The following GRAMD2B variants were observed in gnomAD, a reference collection of about 807,000 sequenced individuals.
The protein encoded by GRAMD2B is GRAM domain containing 2B.
Under a neutral mutation model 59.2 loss-of-function variants are expected in GRAMD2B, and 41 were observed. That is an observed-to-expected ratio of 0.69 (90% CI 0.54 to 0.90). The LOEUF (loss-of-function observed/expected upper bound fraction) is 0.90, where lower values mean the gene tolerates loss of function less well. Among genes scored for constraint, GRAMD2B ranks in the 40% least tolerant of loss-of-function variants. The pLI, the probability that GRAMD2B is intolerant of heterozygous loss-of-function variation, is 0.00. For synonymous variants in GRAMD2B, 161 were observed against 182.7 expected, an observed-to-expected ratio of 0.88 and a Z score of 0.96; for missense variants, 424 against 500.5, an observed-to-expected ratio of 0.85 and a Z score of 1.46.
At chr5:126,383,395 G>C (rs968390182) in intron 1 of GRAMD2B, among the ~76,000 whole-genome samples, 76 of 152,172 alleles carry the variant, frequency 5.0e-4, no homozygotes, top group African/African-American at 1.8e-3. Flanking sequence ...GCTACATGGG[G>C]CAAATTGGGA....
At chr5:126,460,482 G>T (rs974349566) in intron 1 of GRAMD2B, among the ~76,000 whole-genome samples, 1 of 152,194 alleles carries the variant, frequency 6.6e-6, no homozygotes. Flanking sequence ...GGGAGATTCT[G>T]AGTTTATGAA....
rs559819020 is a variant in GRAMD2B, at chr5:126,439,066, A to C, written c.83+15377A>C. ...GGTATTGACCACGAGGGATTATGTG[A>C]AATGTCAGTAAAGGTTGCTGGTGAT... is the stretch of plus-strand genomic sequence containing the variant. On this transcript the variant is annotated intron_variant, in intron 1 of 13. Transcript: ENST00000285689. Among the ~76,000 whole-genome samples the C allele has an allele frequency of 7.9e-5, 12 of 152,234 alleles. No homozygotes were observed. The East Asian group carries it at 2.3e-3, about 29-fold the overall frequency.
intron 1 of GRAMD2B, among the ~76,000 whole-genome samples, chr5:126,417,667 C>T (rs1759373639): frequency 6.6e-6 from 1 of 152,188 alleles, no homozygotes; most frequent in South Asian, 2.1e-4. Context: ...TAGTTGTACA[C>T]CAACAGATAA....
upstream of GRAMD2B, chr5:126,423,146 A>G: frequency 1.0e-6 from 1 of 997,808 alleles, no homozygotes; most frequent in South Asian, 4.4e-5. Flanking sequence ...CATTTCCGGT[A>G]TCTAGAGCCG....
At chr5:126,399,410 T>C (rs1257379909) in intron 1 of GRAMD2B, among the ~76,000 whole-genome samples, 4 of 152,162 alleles carry the variant, frequency 2.6e-5, no homozygotes, top group African/African-American at 7.2e-5. Context: ...GTTTCCCCAG[T>C]TGGATCATGG....
chr5:126,363,178 C>T (rs2149683225), intron 1 of GRAMD2B, among the ~76,000 whole-genome samples: 1 of 152,192 alleles, frequency 6.6e-6, no homozygotes, highest in Middle Eastern at 3.4e-3. Context: ...GGATTTTTCT[C>T]CAAAGAGAAT....
chr5:126,431,854 A>G (rs1761618445), intron 1 of GRAMD2B, among the ~76,000 whole-genome samples: 1 of 152,152 alleles, frequency 6.6e-6, no homozygotes. Flanking sequence ...TTCTCTCTGT[A>G]TTCTATTCCA....
chr5:126,454,503 C>T (rs1001719397), intron 1 of GRAMD2B, among the ~76,000 whole-genome samples: 11 of 152,128 alleles, frequency 7.2e-5, no homozygotes, highest in African/African-American at 2.4e-5. Flanking sequence ...TTCTGTCTCT[C>T]CAAAATCAGA....
intron 5 of GRAMD2B, 125 bp downstream of exon 5, chr5:126,473,493 C>G (rs986471425): frequency 7.0e-6 from 3 of 428,788 alleles, no homozygotes; most frequent in Non-Finnish European, 8.4e-6. Context: ...TGTCAAGTTT[C>G]TTTTGTTGTA....
At chr5:126,361,115 C>T (rs1754198464) in intron 1 of GRAMD2B, among the ~76,000 whole-genome samples, 2 of 152,082 alleles carry the variant, frequency 1.3e-5, no homozygotes, top group Non-Finnish European at 2.9e-5. Flanking sequence ...TTTAAAAATT[C>T]CTCTATTATT....
chr5:126,469,647 T>A, intron 2 of GRAMD2B, 30 bp from the exon 3 acceptor site: 4 of 1,484,366 alleles, frequency 2.7e-6, no homozygotes, highest in Non-Finnish European at 3.7e-6. Flanking sequence ...AAAAATTATC[T>A]TATAGACACC....
In GRAMD2B at chr5:126,388,194, G is replaced by A. The variant is rs567502995; in HGVS notation, c.125+16627G>A. ...TTGAGACCAGCCTGACCAACATGGCGAAATTCCATCTCTACAAAAAATACA... is the reference window on the plus strand; with the variant it reads ...TTGAGACCAGCCTGACCAACATGGCAAAATTCCATCTCTACAAAAAATACA... On this transcript the variant is annotated intron_variant, in intron 1 of 8. Coordinates refer to the GRAMD2B transcript ENST00000506445. Among the ~76,000 whole-genome samples, 7 of 152,084 alleles carry A rather than the reference G, an allele frequency of 4.6e-5. No individual in the cohort carries two copies. In the East Asian group the frequency reaches 9.7e-4, roughly 21 times the overall value.
chr5:126,447,498 T>A (rs1167063831), intron 1 of GRAMD2B, among the ~76,000 whole-genome samples: 6 of 151,646 alleles, frequency 4.0e-5, no homozygotes, highest in African/African-American at 1.5e-4. Context: ...CCGTCTCTAC[T>A]AAAAAAATAC....
chr5:126,483,387 A>C, intron 8 of GRAMD2B, 76 bp from the exon 9 acceptor site: 1 of 826,864 alleles, frequency 1.2e-6, no homozygotes, highest in East Asian at 2.5e-5. Context: ...CCTAGGTGAA[A>C]GGGCTGGGAG....
chr5:126,386,185 T>A (rs1270347279), intron 1 of GRAMD2B, among the ~76,000 whole-genome samples: 1 of 152,204 alleles, frequency 6.6e-6, no homozygotes, highest in Non-Finnish European at 1.5e-5. Context: ...TAATACATCA[T>A]CTTTTGGGAA....
At chr5:126,410,453 T>C in intron 1 of GRAMD2B, among the ~76,000 whole-genome samples, 1 of 151,910 alleles carries the variant, frequency 6.6e-6, no homozygotes, top group East Asian at 1.9e-4. Context: ...TTGAAGCAAT[T>C]GTGAATGGGA....
intron 1 of GRAMD2B, among the ~76,000 whole-genome samples, chr5:126,455,483 A>T (rs1486439267): frequency 6.6e-6 from 1 of 151,934 alleles, no homozygotes; most frequent in Non-Finnish European, 1.5e-5. Context: ...TTGTCTGCAT[A>T]TTGTGCTTCT....
chr5:126,489,002 C>T (rs1581292540), intron 13 of GRAMD2B, 110 bp downstream of exon 13: 1 of 634,124 alleles, frequency 1.6e-6, no homozygotes, highest in East Asian at 2.9e-5. Flanking sequence ...CCGCAATAAA[C>T]CTACATGATC....
chr5:126,485,680 C>G lies in GRAMD2B; in HGVS notation c.971-6C>G. 6.2e-7 allele frequency: 1 copy of G among 1,602,042 alleles called. No homozygotes were observed. The highest frequency in any genetic ancestry group is 8.5e-7 in the Non-Finnish European group (1 of 1,170,930). On this transcript the variant is annotated splice_region_variant and splice_polypyrimidine_tract_variant and intron_variant, in intron 10 of 13. Coordinates refer to ENST00000285689, the MANE Select transcript of GRAMD2B (RefSeq NM_023927.4). ...AAACAGTTGTTTTTTGTTTTCCTCC[C>G]AACAGGTCTGTCAGAAACTGTTGGA...
Sources: allele counts gnomAD v4.1 joint callset (sites outside exome capture counted in the v4.1 genomes callset), GRCh38; gene constraint gnomAD v4.1.1; transcripts MANE v1.5; gene names NCBI Gene and HGNC (gene_info 2026-07-23, HGNC 2026-07-21).